Variants in NSRP1 observed in about 807,000 individuals in gnomAD.
NSRP1 encodes the protein coiled-coil domain containing 55.
A neutral mutation model predicts 54.7 loss-of-function variants in NSRP1; 24 were observed. That is an observed-to-expected ratio of 0.44 (90% CI 0.32 to 0.62). The LOEUF is 0.62. Ranked by LOEUF, NSRP1 falls within the 20% of genes least tolerant of loss-of-function variation. The pLI is 0.06. For missense variants in NSRP1, 596 were observed against 651.2 expected, an observed-to-expected ratio of 0.92 and a Z score of 0.92; for synonymous variants, 210 against 213.8, an observed-to-expected ratio of 0.98 and a Z score of 0.15.
intron 2 of NSRP1, among the ~76,000 whole-genome samples, chr17:30,143,685 A>T (rs2071826499): frequency 6.6e-6 from 1 of 152,110 alleles, no homozygotes; most frequent in African/African-American, 2.4e-5. Context: ...TTTTTCTTTT[A>T]TTGGTTAATT....
intron 2 of NSRP1, among the ~76,000 whole-genome samples, chr17:30,159,722 G>A (rs1010674712): frequency 3.3e-5 from 5 of 152,038 alleles, no homozygotes; most frequent in Non-Finnish European, 5.9e-5. Context: ...GCAGTGGCAC[G>A]ACCTCAACTC....
chr17:30,159,306 T>A (rs1229085459), intron 2 of NSRP1, among the ~76,000 whole-genome samples: 2 of 152,228 alleles, frequency 1.3e-5, no homozygotes, highest in African/African-American at 4.8e-5. Flanking sequence ...TCATGTTGAT[T>A]TTGTGTCTTG....
chr17:30,171,932 T>TCA (rs1491377647), intron 2 of NSRP1, among the ~76,000 whole-genome samples: 5 of 92,240 alleles, frequency 5.4e-5, no homozygotes, highest in South Asian at 8.2e-4. Context: ...TTTCCCCATT[T>TCA]CTCACACACA....
Position 30,163,046 on chromosome 17 carries a change from A to AT in NSRP1, c.115-9486dup, listed in dbSNP as rs533508396. The AT allele has an allele frequency of 2.8e-3, 411 of 147,808 alleles. 4 individuals carry two copies. Among genetic ancestry groups the AT allele is most frequent in the South Asian group, 0.024 (113 of 4,636 alleles). The allele number at this position is 147,808 out of a possible 1,614,324, so 9.2% of individuals were successfully genotyped here. On this transcript the variant is annotated intron_variant, in intron 2 of 6. Coordinates refer to ENST00000247026, the MANE Select transcript of NSRP1 (RefSeq NM_032141.4). Reference sequence around the variant, plus strand: ...AGGCACGTGCCACCATGCCTGGCTAATTTTTTTTTTGTATTTTTAGTAGAG... The same window carrying AT: ...AGGCACGTGCCACCATGCCTGGCTAATTTTTTTTTTTGTATTTTTAGTAGAG...
At position 30,185,681 on chromosome 17, in the gene NSRP1, C is replaced by T; in HGVS notation, c.*7C>T. 1 of 1,540,230 alleles carries T rather than the reference C, an allele frequency of 6.5e-7. No homozygotes were observed. Among genetic ancestry groups the T allele is most frequent in the Non-Finnish European group, 8.7e-7 (1 of 1,149,536 alleles). On this transcript the variant is annotated 3_prime_UTR_variant, in exon 7 of 7. Coordinates refer to ENST00000247026, the MANE Select transcript of NSRP1 (RefSeq NM_032141.4). ...TGAGAAAGAAGATGATTGATGGCTA[C>T]CCCAAGAGAAAGATTTAAGGAAGCA...
At chr17:30,182,087 G>T (rs908889942) in intron 6 of NSRP1, among the ~76,000 whole-genome samples, 1 of 139,722 alleles carries the variant, frequency 7.2e-6, no homozygotes, top group Non-Finnish European at 1.5e-5. Flanking sequence ...AAGAATGTGG[G>T]TATTCCTCAT....
At chr17:30,174,396 A>G (rs887409327) in intron 3 of NSRP1, among the ~76,000 whole-genome samples, 8 of 152,292 alleles carry the variant, frequency 5.3e-5, no homozygotes, top group Non-Finnish European at 1.2e-4. Flanking sequence ...CTTTATCCAT[A>G]CGAATTGAAA....
At chr17:30,147,132 CT>C (rs112865148) in intron 2 of NSRP1, among the ~76,000 whole-genome samples, 53 of 140,358 alleles carry the variant, frequency 3.8e-4, no homozygotes, top group Non-Finnish European at 3.7e-4. Flanking sequence ...CTTTTCTTTT[CT>C]TTTTTTTTTT....
At chr17:30,180,791 C>G in intron 5 of NSRP1, 117 bp from the exon 6 acceptor site, 1 of 627,386 alleles carries the variant, frequency 1.6e-6, no homozygotes, top group Non-Finnish European at 2.8e-6. Context: ...CTGCAGTTTG[C>G]CAACTCCTGA....
chr17:30,155,651 CTCTTGCCTCAGCCTCCTGGCTGT>C, intron 2 of NSRP1, among the ~76,000 whole-genome samples: 1 of 152,064 alleles, frequency 6.6e-6, no homozygotes, highest in East Asian at 1.9e-4. Flanking sequence ...TCAAGTGATC[CTCTTGCCTCAGCCTCCTGGCTGT>C]AGCTAGGACT....
At chr17:30,131,873 C>T (rs1187560907) in intron 2 of NSRP1, among the ~76,000 whole-genome samples, 5 of 152,166 alleles carry the variant, frequency 3.3e-5, no homozygotes, top group African/African-American at 9.7e-5. Flanking sequence ...GTTTTATCAA[C>T]TAAGTTTATG....
At chr17:30,144,593 T>G (rs2071836380) in intron 2 of NSRP1, 1 of 152,192 alleles carries the variant, frequency 6.6e-6, no homozygotes, top group Admixed American at 6.6e-5. Context: ...GCATCCTTCA[T>G]GACATTTATA....
At chr17:30,154,589 CGTA>C (rs756586951) in intron 2 of NSRP1, 2 of 151,248 alleles carry the variant, frequency 1.3e-5, no homozygotes, top group African/African-American at 4.9e-5. Context: ...GGTACATACC[CGTA>C]GTCCCAGCTA....
At chr17:30,122,386 T>TATATATATATATA (rs1329288159) in intron 2 of NSRP1, 42 of 7,134 alleles carry the variant, frequency 5.9e-3, no homozygotes, top group Admixed American at 0.011. Flanking sequence ...TATATATATA[T>TATATATATATATA]TTTTTTTTTT....
chr17:30,117,567 A>G (rs989138279), intron 1 of NSRP1: 1 of 390,618 alleles, frequency 2.6e-6, no homozygotes, highest in Non-Finnish European at 4.5e-6. Flanking sequence ...AACTTGCCCC[A>G]TGGCTACTTG....
rs1905221195 is a variant in NSRP1, at chr17:30,179,213, G to A, written c.424G>A (p.Ala142Thr). The A allele has an allele frequency of 1.2e-6, 2 of 1,611,986 alleles. No individual in the cohort carries two copies. Among genetic ancestry groups the A allele is most frequent in the South Asian group, 1.1e-5 (1 of 90,608 alleles). Reference protein sequence around the residue: ...MEKGEFDDKEAFVTSAYKKKL... With the variant: ...MEKGEFDDKETFVTSAYKKKL... ...AAAGGGGGAGTTTGATGATAAAGAA[G>A]CATTTGTGACATCTGCATATAAGAA... Residue 142 changes from alanine (A) to threonine (T), a missense_variant, in exon 5 of 7, where the codon GCA becomes ACA. By Grantham distance (58) the Ala-to-Thr change is moderately conservative (BLOSUM62 0). Coordinates refer to ENST00000247026, the MANE Select transcript of NSRP1 (RefSeq NM_032141.4).
intron 5 of NSRP1, among the ~76,000 whole-genome samples, chr17:30,179,905 T>C (rs1905242201): frequency 6.6e-6 from 1 of 151,946 alleles, no homozygotes. Flanking sequence ...GGCTCAACCA[T>C]GGCTCACTGC....
intron 2 of NSRP1, among the ~76,000 whole-genome samples, chr17:30,164,009 TA>T (rs1904638146): frequency 6.6e-6 from 1 of 151,668 alleles, no homozygotes; most frequent in Non-Finnish European, 1.5e-5. Context: ...TTACCCCTTA[TA>T]ATGTGTATGT....
intron 1 of NSRP1, 59 bp from the exon 2 acceptor site, chr17:30,118,021 G>A (rs1327858590): frequency 1.2e-5 from 15 of 1,303,976 alleles, no homozygotes; most frequent in East Asian, 2.3e-5. Context: ...GGTAGTAGAT[G>A]TATTTGTTAA....
Sources: gnomAD v4.1 joint callset for allele counts (sites outside exome capture counted in the v4.1 genomes callset) on GRCh38, gnomAD v4.1.1 for gene constraint, MANE v1.5 for transcripts, NCBI Gene and HGNC (gene_info 2026-07-23, HGNC 2026-07-21) for gene names.